Variants in TAF3 observed in about 807,000 individuals in gnomAD.
TAF3 encodes the protein TATA-box binding protein associated factor 3, also known as transcription initiation factor TFIID subunit 3.
A neutral mutation model predicts 80.6 loss-of-function variants in TAF3; 7 were observed. The ratio of observed to expected loss-of-function variants is 0.09; its 90% CI spans 0.05 to 0.16. TAF3 has a LOEUF of 0.16. TAF3 is among the 10% of genes least tolerant of loss of function. TAF3 has a pLI of 1.00. For synonymous variants in TAF3, 444 were observed against 446.1 expected (o/e 1.00, Z 0.06); for missense variants, 921 against 1,140.2 (o/e 0.81, Z 2.77).
At chr10:8,001,785 TAACTA>T (rs1404774951) in intron 4 of TAF3, among the ~76,000 whole-genome samples, 1 of 152,184 alleles carries the variant, frequency 6.6e-6, no homozygotes, top group Non-Finnish European at 1.5e-5. Context: ...TTTTTTTAAT[TAACTA>T]TACCATCCAA....
intron 2 of TAF3, among the ~76,000 whole-genome samples, chr10:7,878,666 A>G (rs1837331573): frequency 3.9e-5 from 6 of 152,130 alleles, no homozygotes. Flanking sequence ...TTCCCTCTCT[A>G]GATGCACTAT....
In TAF3 at chr10:8,009,028, T is replaced by C; in HGVS notation, c.2316-50T>C. 1.3e-6 allele frequency: 2 copies of C among 1,562,460 alleles called. No individual in the cohort carries two copies. The highest frequency in any genetic ancestry group is 1.7e-6 in the Non-Finnish European group (2 of 1,152,382). On this transcript the variant is annotated intron_variant, in intron 4 of 6. Coordinates refer to ENST00000344293, the MANE Select transcript of TAF3 (RefSeq NM_031923.4). The surrounding 1 kb of genome is among the most constrained non-coding windows in gnomAD (Gnocchi z 4.1). ...ATCATGTTTTTAAGCACGGGTTTGG[T>C]TCGATGATGATCCTGTTTTGACTTT...
intron 2 of TAF3, among the ~76,000 whole-genome samples, chr10:7,859,224 G>A (rs1837117838): frequency 2.0e-5 from 3 of 151,616 alleles, no homozygotes; most frequent in African/African-American, 7.3e-5. Context: ...TCATGCCATT[G>A]CACTCCAGCC....
intron 3 of TAF3, among the ~76,000 whole-genome samples, chr10:7,966,034 A>G (rs1451367628): frequency 1.3e-5 from 2 of 152,200 alleles, no homozygotes; most frequent in African/African-American, 2.4e-5. Context: ...AAAAAAACAA[A>G]TCTGGGTTCT....
intron 2 of TAF3, among the ~76,000 whole-genome samples, chr10:7,939,149 T>C (rs1252146342): frequency 6.6e-6 from 1 of 152,246 alleles, no homozygotes; most frequent in Non-Finnish European, 1.5e-5. Flanking sequence ...TGTTTGTGCA[T>C]GTTTGTTTAT....
At chr10:7,974,026 G>A (rs201388257) in intron 3 of TAF3, among the ~76,000 whole-genome samples, 1 of 152,036 alleles carries the variant, frequency 6.6e-6, no homozygotes, top group Admixed American at 6.6e-5. Context: ...TACTCGGGAG[G>A]CTGAGGCAGG....
chr10:7,931,740 A>G (rs2131197782), intron 2 of TAF3, among the ~76,000 whole-genome samples: 1 of 152,322 alleles, frequency 6.6e-6, no homozygotes, highest in Non-Finnish European at 1.5e-5. Context: ...GGCAACAAGT[A>G]TTAATACTGA....
chr10:7,893,850 CCTCCTTTAATATTT>C (rs1161677775), intron 2 of TAF3, among the ~76,000 whole-genome samples: 29 of 152,188 alleles, frequency 1.9e-4, no homozygotes, highest in Admixed American at 1.7e-3. Context: ...TTAATTACCA[CCTCCTTTAATATTT>C]CTATATACCC....
chr10:7,970,794 A>G (rs1831614464), intron 3 of TAF3, among the ~76,000 whole-genome samples: 1 of 152,344 alleles, frequency 6.6e-6, no homozygotes, highest in African/African-American at 2.4e-5. Flanking sequence ...TATTAAATTT[A>G]AACGGTTTGT....
At chr10:7,846,640 A>T (rs1040235853) in intron 2 of TAF3, among the ~76,000 whole-genome samples, 7 of 152,178 alleles carry the variant, frequency 4.6e-5, no homozygotes, top group African/African-American at 1.4e-4. Context: ...ATGATCATTT[A>T]AAAAAACTGA....
In TAF3 at chr10:8,009,034, G is replaced by T; in HGVS notation, c.2316-44G>T. ...TTTTTAAGCACGGGTTTGGTTCGAT[G>T]ATGATCCTGTTTTGACTTTTACCTT... On this transcript the variant is annotated intron_variant, in intron 4 of 6. Coordinates refer to ENST00000344293, the MANE Select transcript of TAF3 (RefSeq NM_031923.4). This position sits in a 1 kb window ranked among gnomAD's most constrained non-coding sequence, Gnocchi z 4.1. 6.4e-7 allele frequency: 1 copy of T among 1,568,880 alleles called. No individual in the cohort carries two copies.
chr10:7,927,271 A>C (rs1837825064), intron 2 of TAF3, among the ~76,000 whole-genome samples: 1 of 152,224 alleles, frequency 6.6e-6, no homozygotes, highest in African/African-American at 2.4e-5. Context: ...GTGGCCATGT[A>C]ATTGCCATTC....
chr10:7,880,289 GA>G (rs1837348422), intron 2 of TAF3, among the ~76,000 whole-genome samples: 1 of 152,120 alleles, frequency 6.6e-6, no homozygotes. Context: ...ACTTTTTGGG[GA>G]AATAACTTTG....
intron 3 of TAF3, among the ~76,000 whole-genome samples, chr10:7,970,735 A>G (rs987081584): frequency 2.6e-5 from 4 of 152,214 alleles, no homozygotes; most frequent in Non-Finnish European, 5.9e-5. Context: ...AAAAATTTTA[A>G]TGTTTCTTTA....
In TAF3 at chr10:8,016,080, C is replaced by A. The variant is rs892384011; in HGVS notation, c.*1329C>A. ...TGTTATAGATGTCTGAGAGGTAAAC[C>A]AAATATTTTATTTTTAATGTTAAAA... On this transcript the variant is annotated 3_prime_UTR_variant, in exon 7 of 7. Coordinates refer to ENST00000344293, the MANE Select transcript of TAF3 (RefSeq NM_031923.4). 3 of 151,648 alleles carry A rather than the reference C, an allele frequency of 2.0e-5. No homozygotes were observed. The highest frequency in any genetic ancestry group is 7.3e-5 in the African/African-American group (3 of 41,218). The allele number at this position is 151,648 out of a possible 1,614,324, so 9.4% of individuals were successfully genotyped here.
intron 2 of TAF3, among the ~76,000 whole-genome samples, chr10:7,906,268 C>T (rs1391581031): frequency 6.6e-6 from 1 of 152,150 alleles, no homozygotes; most frequent in Non-Finnish European, 1.5e-5. Context: ...TTATTGGCAC[C>T]TCTTCCTAAC....
intron 2 of TAF3, among the ~76,000 whole-genome samples, chr10:7,849,834 C>G (rs535350258): frequency 2.0e-5 from 3 of 152,048 alleles, no homozygotes; most frequent in Non-Finnish European, 4.4e-5. Flanking sequence ...CATGCACCAC[C>G]ATGTCTGTCT....
At chr10:7,929,903 T>C (rs923306256) in intron 2 of TAF3, among the ~76,000 whole-genome samples, 1 of 152,144 alleles carries the variant, frequency 6.6e-6, no homozygotes, top group South Asian at 2.1e-4. Flanking sequence ...TGTATAAGTA[T>C]TCAAGATACA....
At chr10:7,998,696 G>A (rs1249958875) in intron 4 of TAF3, among the ~76,000 whole-genome samples, 2 of 151,932 alleles carry the variant, frequency 1.3e-5, no homozygotes, top group African/African-American at 4.8e-5. Flanking sequence ...GAAATCAGCC[G>A]GGTGTGGTGA....
Sources: allele counts gnomAD v4.1 joint callset (sites outside exome capture counted in the v4.1 genomes callset), GRCh38; gene constraint gnomAD v4.1.1; non-coding constraint Gnocchi (gnomAD v3.1); transcripts MANE v1.5; gene names NCBI Gene and HGNC (gene_info 2026-07-23, HGNC 2026-07-21).